Variants in EXT1 observed in about 807,000 individuals in gnomAD.
The protein encoded by EXT1 is exostosin glycosyltransferase 1.
EXT1 carries 20 observed loss-of-function variants against 82.5 expected under a neutral mutation model. That is an observed-to-expected ratio of 0.24 (90% CI 0.17 to 0.35). EXT1 has a LOEUF of 0.35. Among genes scored for constraint, EXT1 ranks in the 10% least tolerant of loss-of-function variants. The pLI is 1.00. For synonymous variants in EXT1, 348 were observed against 350.8 expected (o/e 0.99, Z 0.09); for missense variants, 757 against 936.5 (o/e 0.81, Z 2.50).
At chr8:117,814,647 T>C (rs1003023696) in intron 7 of EXT1, among the ~76,000 whole-genome samples, 5 of 152,224 alleles carry the variant, frequency 3.3e-5, no homozygotes, top group African/African-American at 9.6e-5. Context: ...CATATGCCAA[T>C]CATATGCTCA....
chr8:117,829,698 C>T (rs1481074983), intron 4 of EXT1, among the ~76,000 whole-genome samples: 2 of 151,364 alleles, frequency 1.3e-5, no homozygotes, highest in Non-Finnish European at 2.9e-5. Context: ...CTCAGCCTCC[C>T]GAGTAGCTGG....
intron 1 of EXT1, among the ~76,000 whole-genome samples, chr8:117,872,108 C>A (rs1488305218): frequency 6.9e-6 from 1 of 144,926 alleles, no homozygotes; most frequent in Non-Finnish European, 1.5e-5. Flanking sequence ...CACTACACTG[C>A]AGCCTGGGCA....
intron 1 of EXT1, among the ~76,000 whole-genome samples, chr8:118,085,589 G>A (rs2129989497): frequency 6.6e-6 from 1 of 151,726 alleles, no homozygotes; most frequent in African/African-American, 2.4e-5. Flanking sequence ...AGTCACTGGG[G>A]AAAAACAATT....
chr8:117,868,902 C>T (rs1169073477), intron 1 of EXT1, among the ~76,000 whole-genome samples: 2 of 152,186 alleles, frequency 1.3e-5, no homozygotes, highest in Non-Finnish European at 2.9e-5. Context: ...TACCCACTGC[C>T]AGGCCACATT....
intron 8 of EXT1, among the ~76,000 whole-genome samples, chr8:117,809,775 T>C (rs1325976292): frequency 1.3e-5 from 2 of 152,068 alleles, no homozygotes; most frequent in African/African-American, 2.4e-5. Flanking sequence ...TGAAATTAGG[T>C]TGTGATTACC....
intron 1 of EXT1, among the ~76,000 whole-genome samples, chr8:118,073,667 GA>G (rs1817146481): frequency 6.7e-6 from 1 of 148,958 alleles, no homozygotes; most frequent in African/African-American, 2.5e-5. Flanking sequence ...GAGAAGAGAA[GA>G]GAAGAGAAGA....
At chr8:117,868,276 C>T (rs183765459) in intron 1 of EXT1, among the ~76,000 whole-genome samples, 1 of 152,304 alleles carries the variant, frequency 6.6e-6, no homozygotes, top group East Asian at 1.9e-4. Context: ...TGGGGAGCCA[C>T]TCAGTCCCTT....
At position 117,881,219 on chromosome 8, in the gene EXT1, T is replaced by C. The variant is rs185785704; in HGVS notation, c.963-44018A>G. ...TTTTATGTATTTCTGTGGCTGCTAC[T>C]ACAGAAAAAGAAAAAATGTCACCGT... On this transcript the variant is annotated intron_variant, in intron 1 of 10. Transcript: ENST00000378204. Among the ~76,000 whole-genome samples, 72 of 152,238 alleles carry C rather than the reference T, an allele frequency of 4.7e-4. 1 individual carries two copies. The highest frequency in any genetic ancestry group is 4.3e-3 in the Admixed American group (65 of 15,292).
intron 1 of EXT1, among the ~76,000 whole-genome samples, chr8:118,063,625 T>A (rs571968533): frequency 6.6e-6 from 1 of 152,256 alleles, no homozygotes; most frequent in Admixed American, 6.5e-5. Flanking sequence ...TACTGAGGGG[T>A]CTGTTTAAGC....
At chr8:117,859,596 T>C (rs1249062840) in intron 1 of EXT1, among the ~76,000 whole-genome samples, 1 of 152,172 alleles carries the variant, frequency 6.6e-6, no homozygotes, top group African/African-American at 2.4e-5. Flanking sequence ...GGTTTTTCTA[T>C]CAAAAGCAAG....
At chr8:118,027,781 G>A (rs1438207216) in intron 1 of EXT1, among the ~76,000 whole-genome samples, 10 of 152,124 alleles carry the variant, frequency 6.6e-5, no homozygotes, top group Admixed American at 3.3e-4. Context: ...TCCCACCAAC[G>A]TAAATGACGC....
chr8:118,061,381 G>T (rs1459853326), intron 1 of EXT1, among the ~76,000 whole-genome samples: 1 of 152,202 alleles, frequency 6.6e-6, no homozygotes, highest in East Asian at 1.9e-4. Context: ...TTGAGAGGTT[G>T]TATGTGTTAT....
intron 1 of EXT1, among the ~76,000 whole-genome samples, chr8:118,012,538 C>A (rs184248382): frequency 1.6e-3 from 250 of 152,338 alleles, no homozygotes; most frequent in Middle Eastern, 6.8e-3. Context: ...AGATAAAAGG[C>A]TTTAGCCTTG....
At chr8:118,038,887 T>C (rs1816474009) in intron 1 of EXT1, among the ~76,000 whole-genome samples, 2 of 152,240 alleles carry the variant, frequency 1.3e-5, no homozygotes, top group Non-Finnish European at 2.9e-5. Context: ...TCTTTTCCTA[T>C]AGATCCAACA....
At position 118,110,093 on chromosome 8, in the gene EXT1, C is replaced by G; in HGVS notation, c.954G>C (p.Glu318Asp). The G allele has an allele frequency of 1.2e-6, 2 of 1,614,118 alleles. No homozygotes were observed. Among genetic ancestry groups the G allele is most frequent in the Non-Finnish European group, 1.7e-6 (2 of 1,180,050 alleles). The change falls in exon 1 of 11, where the codon GAG becomes GAC. Residue 318 changes from glutamate (E) to aspartate (D), a missense_variant. By Grantham distance (45) the Glu-to-Asp change is conservative. Coordinates refer to ENST00000378204, the MANE Select transcript of EXT1 (RefSeq NM_000127.3). Reference protein sequence around the residue: ...KDSRCDRDNTEYEKYDYREML... With the variant: ...KDSRCDRDNTDYEKYDYREML... ...CCAGCCCAGACACTTACTTCTCATA[C>G]TCGGTGTTGTCTCTGTCACAGCGAG...
intron 1 of EXT1, among the ~76,000 whole-genome samples, chr8:118,044,112 C>T (rs1461520206): frequency 1.3e-5 from 2 of 152,134 alleles, no homozygotes; most frequent in African/African-American, 2.4e-5. Flanking sequence ...CGTATAACGC[C>T]GACTGAAATG....
chr8:118,023,843 G>A (rs1304294056), intron 1 of EXT1, among the ~76,000 whole-genome samples: 1 of 152,234 alleles, frequency 6.6e-6, no homozygotes, highest in Non-Finnish European at 1.5e-5. Flanking sequence ...GCTCATTAAC[G>A]ATAATGCCAG....
intron 1 of EXT1, among the ~76,000 whole-genome samples, chr8:117,975,189 G>A (rs1815039903): frequency 6.6e-6 from 1 of 152,078 alleles, no homozygotes; most frequent in Non-Finnish European, 1.5e-5. Context: ...TATTTCTTTG[G>A]AATGAGCCAA....
chr8:117,881,077 C>T (rs1039630848), intron 1 of EXT1, among the ~76,000 whole-genome samples: 5 of 152,126 alleles, frequency 3.3e-5, no homozygotes, highest in African/African-American at 1.2e-4. Flanking sequence ...GTGCAGGTGA[C>T]TGGAATGTAT....
Sources: allele counts gnomAD v4.1 joint callset (sites outside exome capture counted in the v4.1 genomes callset), GRCh38; gene constraint gnomAD v4.1.1; transcripts MANE v1.5; gene names NCBI Gene and HGNC (gene_info 2026-07-23, HGNC 2026-07-21).